Variants in ZNF638 observed in about 807,000 individuals in gnomAD.
ZNF638 encodes the protein zinc finger protein 638.
A neutral mutation model predicts 195.6 loss-of-function variants in ZNF638; 46 were observed. The ratio of observed to expected loss-of-function variants is 0.24; its 90% CI spans 0.19 to 0.30. The LOEUF is 0.30. ZNF638 is among the 10% of genes least tolerant of loss of function. The pLI is 1.00. For synonymous variants in ZNF638, 845 were observed against 772.0 expected, an observed-to-expected ratio of 1.09 and a Z score of -1.57; for missense variants, 2,440 against 2,325.3, an observed-to-expected ratio of 1.05 and a Z score of -1.01.
intron 8 of ZNF638, among the ~76,000 whole-genome samples, chr2:71,370,710 T>A (rs2079294517): frequency 6.6e-6 from 1 of 152,112 alleles, no homozygotes; most frequent in Admixed American, 6.5e-5. Context: ...TGTGGGTACA[T>A]AGTAGGTATA....
chr2:71,402,206 G>A, intron 16 of ZNF638, 119 bp downstream of exon 16: 1 of 1,055,562 alleles, frequency 9.5e-7, no homozygotes, highest in Admixed American at 3.3e-5. Flanking sequence ...AAACTTTCAA[G>A]CTAAGGGATT....
At position 71,355,236 on chromosome 2, in the gene ZNF638, G is replaced by A. The variant is rs145802593; in HGVS notation, c.1318-483G>A. On this transcript the variant is annotated intron_variant, in intron 2 of 27. Transcript: ENST00000264447. ...CTCCCAAAGTGCTGGGATTACAGGC[G>A]TGAGCCACTGCGCCCGGCGGCATTT... Among the ~76,000 whole-genome samples the A allele has an allele frequency of 6.6e-4, 101 of 152,308 alleles. 1 individual carries two copies. The highest frequency in any genetic ancestry group is 2.2e-3 in the African/African-American group (91 of 41,570).
At chr2:71,355,839 G>C in intron 3 of ZNF638, 59 bp downstream of exon 3, 1 of 1,005,182 alleles carries the variant, frequency 9.9e-7, no homozygotes, top group Non-Finnish European at 1.5e-6. Context: ...TTAATGTTCA[G>C]ATGTGACTGT....
rs762885571 is a variant in ZNF638, at chr2:71,364,014, T to C, written c.1479T>C (p.Pro493=). The C allele has an allele frequency of 6.2e-7, 1 of 1,614,200 alleles. No homozygotes were observed. Among genetic ancestry groups the C allele is most frequent in the Non-Finnish European group, 8.5e-7 (1 of 1,180,032 alleles). Residue 493 remains proline, a synonymous_variant, in exon 5 of 28, where the codon CCT becomes CCC. Coordinates refer to ENST00000264447, the MANE Select transcript of ZNF638 (RefSeq NM_014497.5). ...TPRRRSHSPS[P]RRSRRSSSSH... is the part of the protein sequence containing the mutation. Reference sequence around the variant, plus strand: ...GAAGACGTTCTCATTCCCCCAGTCCTAGGCGTTCTAGAAGATCAAGCTCAA... The same window carrying C: ...GAAGACGTTCTCATTCCCCCAGTCCCAGGCGTTCTAGAAGATCAAGCTCAA...
chr2:71,420,989 A>T (rs2080420350), intron 21 of ZNF638, among the ~76,000 whole-genome samples: 1 of 152,136 alleles, frequency 6.6e-6, no homozygotes, highest in Non-Finnish European at 1.5e-5. Context: ...TATATAAGAT[A>T]ATAACTTTTT....
At chr2:71,369,812 A>G in intron 7 of ZNF638, 71 bp from the exon 8 acceptor site, 1 of 1,447,968 alleles carries the variant, frequency 6.9e-7, no homozygotes, top group South Asian at 1.4e-5. Flanking sequence ...AGAAAGGATT[A>G]AGCCCATTTT....
At chr2:71,382,173 C>G (rs2079545682) in intron 10 of ZNF638, among the ~76,000 whole-genome samples, 1 of 152,238 alleles carries the variant, frequency 6.6e-6, no homozygotes, top group East Asian at 1.9e-4. Context: ...TTGGAAAACT[C>G]ACAGTGGTGC....
intron 10 of ZNF638, among the ~76,000 whole-genome samples, chr2:71,391,592 A>G (rs1243676987): frequency 6.6e-6 from 1 of 152,250 alleles, no homozygotes. Context: ...GAAAAAGTAC[A>G]GATGTCCTCA....
intron 20 of ZNF638, among the ~76,000 whole-genome samples, chr2:71,409,219 C>T (rs910494047): frequency 2.6e-5 from 4 of 152,060 alleles, no homozygotes; most frequent in African/African-American, 7.2e-5. Flanking sequence ...GAACCTTATT[C>T]GTATAGTTTA....
chr2:71,359,378 A>G (rs575177655), intron 3 of ZNF638, among the ~76,000 whole-genome samples: 32 of 152,262 alleles, frequency 2.1e-4, no homozygotes, highest in African/African-American at 5.8e-4. Flanking sequence ...GTCCAAGAAC[A>G]AGGAGGAGAA....
chr2:71,402,105 G>A lies in ZNF638; in HGVS notation c.2829+18G>A. 6.3e-7 allele frequency: 1 copy of A among 1,597,476 alleles called. No individual in the cohort carries two copies. On this transcript the variant is annotated intron_variant, in intron 16 of 27. Transcript: ENST00000264447. ...ATAAAAAGGTAAGAGTTGATTAATA[G>A]CTGTTCATATCCTCTGCAAGCATGC...
chr2:71,346,991 T>G (rs914083173), intron 1 of ZNF638, among the ~76,000 whole-genome samples: 1 of 151,392 alleles, frequency 6.6e-6, no homozygotes, highest in African/African-American at 2.4e-5. Context: ...GCCATTGGAC[T>G]CCAGCCTGAG....
intron 10 of ZNF638, among the ~76,000 whole-genome samples, chr2:71,392,432 C>A (rs919825285): frequency 6.6e-6 from 1 of 152,180 alleles, no homozygotes; most frequent in Non-Finnish European, 1.5e-5. Context: ...AAACCGAATC[C>A]GTTCAGCCCA....
chr2:71,333,021 G>T, intron 1 of ZNF638: 1 of 152,216 alleles, frequency 6.6e-6, no homozygotes. Flanking sequence ...TGTGCTTGCT[G>T]GTTCAGATTT....
At chr2:71,336,332 T>A (rs566128975) in intron 1 of ZNF638, among the ~76,000 whole-genome samples, 12 of 137,338 alleles carry the variant, frequency 8.7e-5, no homozygotes, top group African/African-American at 3.3e-4. Flanking sequence ...ATTTGCGCCC[T>A]TGCACTCCAA....
At position 71,406,137 on chromosome 2, in the gene ZNF638, G is replaced by C. The variant is rs2152580055; in HGVS notation, c.3010G>C (p.Asp1004His). The part of the protein sequence containing the change: ...VKENDPEANI[D>H]TIYDRFVHLD... ...TCTTAAAAAACTACAGGCAAACATAGATACAATTTATGATCGATTTGTACA... is the reference window on the plus strand; with the variant it reads ...TCTTAAAAAACTACAGGCAAACATACATACAATTTATGATCGATTTGTACA... The change falls in exon 19 of 28, where the codon GAT becomes CAT. Residue 1004 changes from aspartate to histidine, a missense_variant. Physicochemically the swap from Asp to His is moderately conservative, Grantham distance 81. Around this residue, in one of 5 missense-constraint regions of ZNF638, gnomAD observed 1,883 missense variants for 1,739.1 expected, o/e 1.08. Transcript: ENST00000264447. 6.2e-7 allele frequency: 1 copy of C among 1,613,492 alleles called. No homozygotes were observed. The highest frequency in any genetic ancestry group is 1.1e-5 in the South Asian group (1 of 91,046).
Position 71,405,997 on chromosome 2 carries a change from C to A in ZNF638, c.3001-131C>A, listed in dbSNP as rs1004669798. Reference sequence around the variant, plus strand: ...AAATTAAGACCTCACTGTCTTCCCCCATGTAGTCATTTTCTTACTCTTGGG... The same window carrying A: ...AAATTAAGACCTCACTGTCTTCCCCAATGTAGTCATTTTCTTACTCTTGGG... On this transcript the variant is annotated intron_variant, in intron 18 of 27. Transcript: ENST00000264447. 10 of 1,014,130 alleles carry A rather than the reference C, an allele frequency of 9.9e-6. No homozygotes were observed. In the African/African-American group the frequency reaches 1.4e-4, roughly 15 times the overall value. The allele number at this position is 1,014,130 out of a possible 1,614,324, so 62.8% of individuals were successfully genotyped here.
intron 1 of ZNF638, 70 bp from the exon 2 acceptor site, chr2:71,348,683 C>A: frequency 7.2e-7 from 1 of 1,380,994 alleles, no homozygotes. Context: ...ATGTTTTACA[C>A]TGGCTGTAGA....
At chr2:71,391,367 C>T (rs1464051951) in intron 10 of ZNF638, among the ~76,000 whole-genome samples, 1 of 152,220 alleles carries the variant, frequency 6.6e-6, no homozygotes, top group Non-Finnish European at 1.5e-5. Flanking sequence ...GAAAGGGCAG[C>T]TTGCCAATTT....
Sources: gnomAD v4.1 joint callset for allele counts (sites outside exome capture counted in the v4.1 genomes callset) on GRCh38, gnomAD v4.1.1 for gene constraint, gnomAD v4.1.1 regional missense constraint, MANE v1.5 for transcripts, NCBI Gene and HGNC (gene_info 2026-07-23, HGNC 2026-07-21) for gene names.